Variants in TAF1 observed in about 807,000 individuals in gnomAD.
TAF1 encodes transcription initiation factor TFIID subunit 1.
A neutral mutation model predicts 138.5 loss-of-function variants in TAF1; 2 were observed. The observed-to-expected ratio is 0.01, with a 90% confidence interval of 0.01 to 0.05. TAF1 has a LOEUF of 0.05. TAF1 is among the 10% of genes least tolerant of loss of function. The pLI is 1.00. For synonymous variants in TAF1, 437 were observed against 503.2 expected (o/e 0.87, Z 1.76); for missense variants, 709 against 1,478.0 (o/e 0.48, Z 8.53).
chrX:71,490,041 C>T (rs970005718), intron 13 of TAF1, among the ~76,000 whole-genome samples: 2 of 111,079 alleles, frequency 1.8e-5, no homozygotes, highest in Non-Finnish European at 3.8e-5. Context: ...ACTCTTTTCC[C>T]TCCTCCTCCA....
intron 13 of TAF1, among the ~76,000 whole-genome samples, chrX:71,519,988 A>G (rs934084211): frequency 2.0e-5 from 2 of 101,934 alleles, no homozygotes; most frequent in African/African-American, 7.3e-5. Context: ...TTGTTGTTGT[A>G]TTTTTAGTGG....
At chrX:71,527,386 C>CA (rs397952861) in intron 13 of TAF1, among the ~76,000 whole-genome samples, 12,029 of 43,114 alleles carry the variant, frequency 0.28, 1,267 homozygotes, top group East Asian at 0.59. Context: ...AACTCCGTCT[C>CA]AAAAAAAAAA....
intron 13 of TAF1, among the ~76,000 whole-genome samples, chrX:71,483,197 A>G (rs2039103073): frequency 1.2e-5 from 1 of 81,878 alleles, no homozygotes; most frequent in Non-Finnish European, 2.2e-5. Context: ...TGTGTTGCCC[A>G]GGGTGATCTT....
rs1282026486 is a variant in TAF1, at chrX:71,465,970, GTAT to G, written c.*1929_*1931del. On this transcript the variant is annotated 3_prime_UTR_variant, in exon 38 of 38. Coordinates refer to ENST00000423759, the MANE Select transcript of TAF1 (RefSeq NM_004606.5). ...TATTGTTTGAATTTTTTTACAGTATGTATTATTTTTGTAATAAAAATTTTAAAA... is the reference window on the plus strand; with the variant it reads ...TATTGTTTGAATTTTTTTACAGTATGTATTTTTGTAATAAAAATTTTAAAA... 4 of 112,072 alleles carry G rather than the reference GTAT, an allele frequency of 3.6e-5. No homozygotes were observed. Among genetic ancestry groups the G allele is most frequent in the Non-Finnish European group, 7.5e-5 (4 of 53,270 alleles). The allele number at this position is 112,072 out of a possible 1,213,427, so 9.2% of individuals were successfully genotyped here. A position where few individuals can be genotyped will look rare whatever the true frequency, so the allele number is the denominator to read the frequency against.
At chrX:71,460,602 C>T in intron 36 of TAF1, 24 bp from the exon 37 acceptor site, 1 of 1,207,466 alleles carries the variant, frequency 8.3e-7, no homozygotes, top group Non-Finnish European at 1.1e-6. Flanking sequence ...CTCTTGATGA[C>T]CCAGAATCTG....
chrX:71,513,834 A>T (rs954070093), intron 13 of TAF1, among the ~76,000 whole-genome samples: 1 of 111,313 alleles, frequency 9.0e-6, no homozygotes, highest in African/African-American at 3.3e-5. Context: ...TAGCTAAAGG[A>T]TTGTAAATGC....
In TAF1 at chrX:71,398,440, C is replaced by CATGT. The variant is rs1381184687; in HGVS notation, c.3621-130_3621-127dup. 4.8e-6 allele frequency: 4 copies of CATGT among 841,076 alleles called. No homozygotes were observed. The East Asian group carries it at 1.4e-4, about 29-fold the overall frequency. The allele number at this position is 841,076 out of a possible 1,213,427, so 69.3% of individuals were successfully genotyped here. The stretch of plus-strand genomic sequence containing the variant: ...TGACTAGGGAGGGAGATGGGAATGG[C>CATGT]ATGTAGCCCCTTTTATCTTAGCCTG... On this transcript the variant is annotated intron_variant, in intron 23 of 37. Transcript: ENST00000423759.
At chrX:71,429,090 A>G (rs1287538758) in intron 32 of TAF1, among the ~76,000 whole-genome samples, 2 of 111,140 alleles carry the variant, frequency 1.8e-5, no homozygotes, top group Non-Finnish European at 3.8e-5. Flanking sequence ...TCTGGCTGAC[A>G]CAGTGAAACC....
At chrX:71,406,063 T>C (rs1387077160) in intron 25 of TAF1, among the ~76,000 whole-genome samples, 1 of 110,617 alleles carries the variant, frequency 9.0e-6, no homozygotes, top group Non-Finnish European at 1.9e-5. Flanking sequence ...GTTCGATGGC[T>C]CACACCTGTA....
chrX:71,386,414 G>GT (rs1409272171), intron 14 of TAF1, among the ~76,000 whole-genome samples: 1 of 111,428 alleles, frequency 9.0e-6, no homozygotes, highest in Non-Finnish European at 1.9e-5. Flanking sequence ...TTTTCCTTTT[G>GT]TTTTTTCCCA....
At chrX:71,477,721 C>T (rs767649244) in intron 13 of TAF1, among the ~76,000 whole-genome samples, 9 of 112,262 alleles carry the variant, frequency 8.0e-5, no homozygotes, top group South Asian at 3.6e-4. Context: ...AAGCCGGGCA[C>T]GGTGGCATAC....
intron 8 of TAF1, 102 bp downstream of exon 8, chrX:71,379,133 G>C: frequency 3.9e-6 from 3 of 772,662 alleles, no homozygotes; most frequent in Non-Finnish European, 5.3e-6. Context: ...TTTTTTCGGT[G>C]AGACAGAGTT....
intron 1 of TAF1, 61 bp downstream of exon 1, chrX:71,366,555 C>A: frequency 9.6e-7 from 1 of 1,043,402 alleles, no homozygotes; most frequent in Non-Finnish European, 1.3e-6. Context: ...GAAGGAGGTG[C>A]GGGGAGGAAA....
intron 37 of TAF1, among the ~76,000 whole-genome samples, chrX:71,461,649 C>T (rs1323741916): frequency 9.0e-6 from 1 of 111,722 alleles, no homozygotes; most frequent in African/African-American, 3.3e-5. Context: ...TATGATACAT[C>T]TAACCAGCAA....
intron 32 of TAF1, among the ~76,000 whole-genome samples, chrX:71,446,775 C>T (rs1318285093): frequency 1.8e-5 from 2 of 111,856 alleles, no homozygotes; most frequent in Non-Finnish European, 3.8e-5. Flanking sequence ...ATTTATTACC[C>T]CAGTTCCCTC....
At chrX:71,473,151 G>A in intron 13 of TAF1, among the ~76,000 whole-genome samples, 1 of 112,029 alleles carries the variant, frequency 8.9e-6, no homozygotes, top group Non-Finnish European at 1.9e-5. Context: ...GACACAATAA[G>A]CACAAACCTG....
chrX:71,511,117 A>AT (rs1255837982), intron 13 of TAF1, among the ~76,000 whole-genome samples: 33 of 110,577 alleles, frequency 3.0e-4, no homozygotes, highest in African/African-American at 1.1e-3. Context: ...AATAAAAAAA[A>AT]TAAAAAAAAA....
chrX:71,406,546 G>T, intron 25 of TAF1, 92 bp from the exon 26 acceptor site: 2 of 894,370 alleles, frequency 2.2e-6, no homozygotes, highest in Non-Finnish European at 3.1e-6. Context: ...TCGTGCTTAG[G>T]TACCTTGGAC....
chrX:71,367,458 G>A, intron 1 of TAF1, 41 bp from the exon 2 acceptor site: 2 of 1,193,251 alleles, frequency 1.7e-6, no homozygotes, highest in Non-Finnish European at 2.3e-6. Flanking sequence ...GGGAGTCGTA[G>A]GTTTAGTTGT....
Sources: gnomAD v4.1 joint callset for allele counts (sites outside exome capture counted in the v4.1 genomes callset) on GRCh38, gnomAD v4.1.1 for gene constraint, MANE v1.5 for transcripts, NCBI Gene and HGNC (gene_info 2026-07-23, HGNC 2026-07-21) for gene names.